Variants in LLGL1 observed in about 807,000 individuals in gnomAD.
LLGL1 encodes lethal(2) giant larvae protein homolog 1.
Under a neutral mutation model 110.6 loss-of-function variants are expected in LLGL1, and 58 were observed. The observed-to-expected ratio is 0.52, with a 90% CI of 0.42 to 0.65. The LOEUF (loss-of-function observed/expected upper bound fraction) is 0.65. Among genes scored for constraint, LLGL1 ranks in the 30% least tolerant of loss-of-function variants. The probability of loss-of-function intolerance (pLI) is 0.00; values close to 1 mark genes in which losing one functional copy is unlikely to be tolerated. For missense variants in LLGL1, 1,229 were observed against 1,462.1 expected, an observed-to-expected ratio of 0.84 and a Z score of 2.60; for synonymous variants, 674 against 607.2, an observed-to-expected ratio of 1.11 and a Z score of -1.62.
intron 1 of LLGL1, among the ~76,000 whole-genome samples, chr17:18,227,132 C>T (rs1260194481): frequency 2.6e-5 from 4 of 152,110 alleles, no homozygotes; most frequent in South Asian, 2.1e-4. Flanking sequence ...GGCTCTGGGA[C>T]GGCTGGACCT....
Position 18,232,663 on chromosome 17 carries a change from A to T in LLGL1, c.262-9A>T. On this transcript the variant is annotated splice_polypyrimidine_tract_variant and intron_variant, in intron 3 of 22. Transcript: ENST00000316843. ...GCCAGCCTAGTTTTCATCTCTGCTC[A>T]CACACCAGGGCCGCCTCCTGTCCCT... is the stretch of plus-strand genomic sequence containing the variant. 1 of 1,614,128 alleles carries T rather than the reference A, an allele frequency of 6.2e-7. No homozygotes were observed. Among genetic ancestry groups the T allele is most frequent in the Non-Finnish European group, 8.5e-7 (1 of 1,180,002 alleles).
At chr17:18,242,659 G>T in intron 21 of LLGL1, 31 bp downstream of exon 21, 12 of 1,585,888 alleles carry the variant, frequency 7.6e-6, no homozygotes, top group Non-Finnish European at 9.4e-6. Context: ...CACAGGGGGG[G>T]CTGCCCTGTC....
At position 18,236,736 on chromosome 17, in the gene LLGL1, GGAC is replaced by G. The variant is rs1567691561; in HGVS notation, c.1486_1488del (p.Asp496del). 6.2e-7 allele frequency: 1 copy of G among 1,612,526 alleles called. No individual in the cohort carries two copies. ...CTGACAGCCTGGCCCAGGCTGCCGAGGACGACTGGCCACCCTTCCGCAAGGTGG... is the reference window on the plus strand; with the variant it reads ...CTGACAGCCTGGCCCAGGCTGCCGAGGACTGGCCACCCTTCCGCAAGGTGG... On this transcript the variant is annotated inframe_deletion, in exon 12 of 23. Transcript: ENST00000316843.
rs773136651 is a variant in LLGL1, at chr17:18,238,583, A to G, written c.2180A>G (p.Tyr727Cys). The change falls in exon 16 of 23, where the codon TAC (tyrosine) becomes TGC (cysteine). Residue 727 changes from tyrosine (Y) to cysteine (C), a missense_variant. By Grantham distance (194) the Tyr-to-Cys change is radical. Transcript: ENST00000316843. ...DSLSGVVRCL[Y>C]FADTFLRDGA... Reference sequence around the variant, plus strand: ...TTGTCGGGTGTCGTGCGTTGCCTATACTTTGCCGACACATTCCTTCGAGAT... The same window carrying G: ...TTGTCGGGTGTCGTGCGTTGCCTATGCTTTGCCGACACATTCCTTCGAGAT... 2.2e-5 allele frequency: 36 copies of G among 1,612,486 alleles called. No individual in the cohort carries two copies. The highest frequency in any genetic ancestry group is 3.0e-5 in the Non-Finnish European group (35 of 1,179,838).
rs1032104082 is a variant in LLGL1, at chr17:18,237,829, G to C, written c.1904+56G>C. The C allele has an allele frequency of 3.2e-6, 5 of 1,540,816 alleles. No individual in the cohort carries two copies. The African/African-American group carries it at 5.4e-5, about 17-fold the overall frequency. ...GAGCCCCCAGCGAGATGGGGTCTGG[G>C]CTTCCGTTTCCACCTCTAGTGTTTG... On this transcript the variant is annotated intron_variant, in intron 14 of 22. Transcript: ENST00000316843.
In LLGL1 at chr17:18,241,477, G is replaced by C; in HGVS notation, c.2529G>C (p.Ala843=). 6.2e-7 allele frequency: 1 copy of C among 1,613,514 alleles called. No individual in the cohort carries two copies. Among genetic ancestry groups the C allele is most frequent in the Non-Finnish European group, 8.5e-7 (1 of 1,179,938 alleles). ...TGTTCACACTGCCCAAGGTGAGCGC[G>C]AAGACCAAGTTCAAGCTGACGGCCC... ...FKVFTLPKVS[A]KTKFKLTAHE... is the part of the protein sequence containing the mutation. The change falls in exon 18 of 23, where the codon GCG becomes GCC. Residue 843 remains alanine (A), a synonymous_variant. Coordinates refer to ENST00000316843, the MANE Select transcript of LLGL1 (RefSeq NM_004140.4).
intron 1 of LLGL1, 38 bp from the exon 2 acceptor site, chr17:18,229,903 G>A: frequency 6.8e-7 from 1 of 1,480,636 alleles, no homozygotes; most frequent in Non-Finnish European, 9.2e-7. Context: ...AGAGGTGCCT[G>A]GGAGTGCTTA....
intron 22 of LLGL1, among the ~76,000 whole-genome samples, chr17:18,243,211 C>T (rs748805289): frequency 9.9e-5 from 15 of 152,104 alleles, no homozygotes; most frequent in Non-Finnish European, 1.8e-4. Flanking sequence ...GGGTTCATGC[C>T]ATTCTCCTGC....
chr17:18,242,757 C>G lies in LLGL1; in HGVS notation c.3131C>G (p.Ser1044Ter). The G allele has an allele frequency of 6.4e-7, 1 of 1,569,466 alleles. No individual in the cohort carries two copies. The highest frequency in any genetic ancestry group is 1.7e-4 in the Middle Eastern group (1 of 5,728). ...VKDFLGSSEE[S>*]EKNLRNLAED... ...CCATCTCGCAGCTCCTCTGAGGAGT[C>G]AGAGAAGAACCTGAGGAACCTGGCA... The change falls in exon 22 of 23, where the codon TCA becomes TGA. Residue 1044 changes from serine (S) to a stop codon, truncating the protein, a stop_gained. Transcript: ENST00000316843. LOFTEE classifies it high-confidence loss of function.
Position 18,234,134 on chromosome 17 carries a change from C to G in LLGL1, c.673C>G (p.Gln225Glu). Residue 225 changes from glutamine (Q) to glutamate (E), a missense_variant, in exon 6 of 23, where the codon CAG becomes GAG. Coordinates refer to ENST00000316843, the MANE Select transcript of LLGL1 (RefSeq NM_004140.4). ...YSRGLLVIWN[Q>E]ASQCVDHIFL... is the part of the protein sequence containing the mutation. ...CCGGGGCCTGCTGGTCATCTGGAAC[C>G]AGGCCTCGCAGTGTGTGGACCACAT... is the stretch of plus-strand genomic sequence containing the variant. 1 of 1,610,790 alleles carries G rather than the reference C, an allele frequency of 6.2e-7. No individual in the cohort carries two copies. The highest frequency in any genetic ancestry group is 8.5e-7 in the Non-Finnish European group (1 of 1,178,214).
chr17:18,238,392 G>T, intron 15 of LLGL1, 64 bp from the exon 16 acceptor site: 1 of 1,573,494 alleles, frequency 6.4e-7, no homozygotes, highest in Non-Finnish European at 8.6e-7. Flanking sequence ...AACGTAGGGC[G>T]CAAAGCAGGA....
chr17:18,242,417 C>A, intron 20 of LLGL1, 91 bp from the exon 21 acceptor site: 1 of 1,581,864 alleles, frequency 6.3e-7, no homozygotes, highest in Non-Finnish European at 8.6e-7. Flanking sequence ...CACCCCTCAC[C>A]ATGGGCTGCC....
At chr17:18,238,268 G>A in intron 15 of LLGL1, 54 bp downstream of exon 15, 1 of 1,602,716 alleles carries the variant, frequency 6.2e-7, no homozygotes, top group South Asian at 1.1e-5. Context: ...GCCTTGGCCT[G>A]GCTCTGGCCT....
chr17:18,225,681 A>G lies in LLGL1; in HGVS notation c.-2A>G. On this transcript the variant is annotated 5_prime_UTR_variant, in exon 1 of 23. Transcript: ENST00000316843. ...GGCGAGGCGCCTGCAGCCGGGCGCA[A>G]GATGATGAAGTTTCGGTTCCGGCGG... 1 of 1,020,070 alleles carries G rather than the reference A, an allele frequency of 9.8e-7. No individual in the cohort carries two copies. The highest frequency in any genetic ancestry group is 1.2e-6 in the Non-Finnish European group (1 of 846,964). 63.2% of individuals were successfully genotyped at this position (1,020,070 alleles called of 1,614,324 possible).
At chr17:18,229,266 C>T (rs1388189401) in intron 1 of LLGL1, among the ~76,000 whole-genome samples, 2 of 152,016 alleles carry the variant, frequency 1.3e-5, no homozygotes, top group East Asian at 1.9e-4. Context: ...ACACAGACCC[C>T]CTTAACACCA....
In LLGL1 at chr17:18,235,096, T is replaced by A; in HGVS notation, c.1068T>A (p.Asp356Glu). The A allele has an allele frequency of 6.2e-7, 1 of 1,613,948 alleles. No individual in the cohort carries two copies. The highest frequency in any genetic ancestry group is 8.5e-7 in the Non-Finnish European group (1 of 1,180,016). The change falls in exon 10 of 23, where the codon GAT becomes GAA. Residue 356 changes from aspartate (D) to glutamate (E), a missense_variant. Coordinates refer to ENST00000316843, the MANE Select transcript of LLGL1 (RefSeq NM_004140.4). ...ACTCCCTCCGTCCCACAGAATTTGATGACCCCCAGGCCCTGGCTGTGCTGC... is the reference window on the plus strand; with the variant it reads ...ACTCCCTCCGTCCCACAGAATTTGAAGACCCCCAGGCCCTGGCTGTGCTGC... ...VHSTRPEDEF[D>E]DPQALAVLLE...
At chr17:18,243,523 T>C (rs1191317327) in intron 22 of LLGL1, among the ~76,000 whole-genome samples, 2 of 152,252 alleles carry the variant, frequency 1.3e-5, no homozygotes, top group Non-Finnish European at 2.9e-5. Context: ...TCTCATCGGT[T>C]GGGCCCAGCA....
At position 18,232,781 on chromosome 17, in the gene LLGL1, G is replaced by A. The variant is rs772083796; in HGVS notation, c.371G>A (p.Arg124Gln). The A allele has an allele frequency of 2.5e-5, 41 of 1,613,992 alleles. No homozygotes were observed. Among genetic ancestry groups the A allele is most frequent in the African/African-American group, 4.0e-5 (3 of 75,048 alleles). ...GCACTCAGTTTCCAGCTGCCCAGCC[G>A]GCCCGGCTTTGATGGTGCCAGGTAC... The part of the protein sequence containing the change: ...EEALSFQLPS[R>Q]PGFDGASAPL... Residue 124 changes from arginine to glutamine, a missense_variant, in exon 4 of 23, where the codon CGG becomes CAG. Physicochemically the swap from Arg to Gln is conservative, Grantham distance 43. Transcript: ENST00000316843.
In LLGL1 at chr17:18,234,923, A is replaced by G; in HGVS notation, c.990A>G (p.Thr330=). Residue 330 remains threonine, a synonymous_variant, in exon 9 of 23, where the codon ACA becomes ACG. Transcript: ENST00000316843. ...RHCVSVLRAE[T]LVTLDFTSRI... ...GTGTAAGTGTGCTTCGAGCCGAGAC[A>G]TTGGTGACGCTGGACTTCACTTCCC... 6.2e-7 allele frequency: 1 copy of G among 1,614,082 alleles called. No homozygotes were observed. The highest frequency in any genetic ancestry group is 8.5e-7 in the Non-Finnish European group (1 of 1,180,004).
Sources: gnomAD v4.1 joint callset for allele counts (sites outside exome capture counted in the v4.1 genomes callset) on GRCh38, gnomAD v4.1.1 for gene constraint, MANE v1.5 for transcripts, NCBI Gene and HGNC (gene_info 2026-07-23, HGNC 2026-07-21) for gene names.